REDIC1: variants seen among roughly 807,000 people sequenced by gnomAD.
REDIC1 encodes regulator of DNA class I crossover intermediates 1, also known as HEI10 Interacting Protein 1.
the REDIC1 span, among the ~76,000 whole-genome samples, chr12:39,749,944 G>C: frequency 2.0e-5 from 3 of 152,062 alleles, no homozygotes; most frequent in African/African-American, 7.2e-5. Flanking sequence ...ATTTATGACA[G>C]ACCCACAGCC....
the REDIC1 span, among the ~76,000 whole-genome samples, chr12:39,809,523 T>A: frequency 6.6e-6 from 1 of 152,284 alleles, no homozygotes; most frequent in South Asian, 2.1e-4. Flanking sequence ...ATTATTATTA[T>A]ACTTTAAGTT....
At chr12:39,751,821 A>G in the REDIC1 span, among the ~76,000 whole-genome samples, 9 of 152,252 alleles carry the variant, frequency 5.9e-5, no homozygotes, top group Admixed American at 2.0e-4. Flanking sequence ...CAAACACCGC[A>G]TGTTCTCACT....
At chr12:39,630,944 A>G in the REDIC1 span, among the ~76,000 whole-genome samples, 1 of 152,140 alleles carries the variant, frequency 6.6e-6, no homozygotes, top group African/African-American at 2.4e-5. Flanking sequence ...CCAGTTTAGC[A>G]TTTGTCTCAG....
At chr12:39,869,088 G>A in the REDIC1 span, among the ~76,000 whole-genome samples, 3 of 152,072 alleles carry the variant, frequency 2.0e-5, no homozygotes, top group African/African-American at 7.2e-5. Flanking sequence ...ACATAGAACC[G>A]TATGTTAGTA....
At chr12:39,647,028 G>T in the REDIC1 span, 1 of 541,166 alleles carries the variant, frequency 1.8e-6, no homozygotes, top group South Asian at 2.8e-5. Context: ...TTCCAGGTGA[G>T]AAATCTATGC....
chr12:39,749,826 A>T, the REDIC1 span, among the ~76,000 whole-genome samples: 1 of 152,264 alleles, frequency 6.6e-6, no homozygotes, highest in Admixed American at 6.5e-5. Context: ...CCACATGATT[A>T]TCTCAATAGA....
the REDIC1 span, among the ~76,000 whole-genome samples, chr12:39,865,145 G>C: frequency 6.6e-6 from 1 of 152,150 alleles, no homozygotes; most frequent in East Asian, 1.9e-4. Context: ...ACAGTAAATT[G>C]GTAATGATTT....
chr12:39,797,696 A>T, the REDIC1 span, among the ~76,000 whole-genome samples: 2 of 151,446 alleles, frequency 1.3e-5, no homozygotes, highest in Non-Finnish European at 2.9e-5. Context: ...ATGAAAAGCT[A>T]ATGGATACAT....
chr12:39,887,663 G>A, the REDIC1 span, among the ~76,000 whole-genome samples: 12 of 152,114 alleles, frequency 7.9e-5, no homozygotes, highest in African/African-American at 2.7e-4. Flanking sequence ...CATCGCTTAG[G>A]TTAGTTATTC....
chr12:39,720,238 A>T, the REDIC1 span, among the ~76,000 whole-genome samples: 1 of 151,872 alleles, frequency 6.6e-6, no homozygotes, highest in African/African-American at 2.4e-5. Flanking sequence ...TTAATTTCCT[A>T]TTACCTGATG....
chr12:39,891,746 A>T, the REDIC1 span, among the ~76,000 whole-genome samples: 1 of 152,192 alleles, frequency 6.6e-6, no homozygotes, highest in Admixed American at 6.5e-5. Flanking sequence ...ATAGGCTCAG[A>T]TCAGGGCTCA....
chr12:39,644,802 A>G, the REDIC1 span, among the ~76,000 whole-genome samples: 1 of 151,942 alleles, frequency 6.6e-6, no homozygotes, highest in African/African-American at 2.4e-5. Context: ...TTATGGCTAA[A>G]CCCTCAATAA....
the REDIC1 span, among the ~76,000 whole-genome samples, chr12:39,812,576 G>A: frequency 2.0e-5 from 3 of 151,700 alleles, no homozygotes; most frequent in East Asian, 2.0e-4. Flanking sequence ...AGATTCAAGC[G>A]ATTCTCCTGC....
At chr12:39,812,716 C>A in the REDIC1 span, among the ~76,000 whole-genome samples, 1 of 152,112 alleles carries the variant, frequency 6.6e-6, no homozygotes, top group Middle Eastern at 3.4e-3. Context: ...AAGTGATCCA[C>A]CTGCCTCAGC....
the REDIC1 span, among the ~76,000 whole-genome samples, chr12:39,712,022 A>G: frequency 4.5e-5 from 1 of 22,214 alleles, no homozygotes; most frequent in East Asian, 8.7e-4. Flanking sequence ...ACCTGTATGT[A>G]TATATACATG....
At chr12:39,630,610 A>G in the REDIC1 span, among the ~76,000 whole-genome samples, 26 of 152,334 alleles carry the variant, frequency 1.7e-4, no homozygotes, top group Admixed American at 1.4e-3. Context: ...GAAAATATTT[A>G]ATGTCAGAGG....
At chr12:39,771,550 C>A in the REDIC1 span, among the ~76,000 whole-genome samples, 1 of 152,106 alleles carries the variant, frequency 6.6e-6, no homozygotes, top group Non-Finnish European at 1.5e-5. Flanking sequence ...TAGAGGAAAC[C>A]ATAGCTCCAG....
chr12:39,885,801 A>G, the REDIC1 span, among the ~76,000 whole-genome samples: 9 of 152,138 alleles, frequency 5.9e-5, no homozygotes, highest in South Asian at 2.1e-4. Flanking sequence ...ATCGTTCCCA[A>G]TGCAAAATTC....
At chr12:39,829,389 A>ATTATT in the REDIC1 span, 2 of 65,774 alleles carry the variant, frequency 3.0e-5, no homozygotes, top group African/African-American at 6.7e-5. Context: ...TGTGATAGTA[A>ATTATT]TTCTTTTTTT....
Sources: gnomAD v4.1 joint callset for allele counts (sites outside exome capture counted in the v4.1 genomes callset) on GRCh38, gnomAD v4.1.1 for gene constraint, MANE v1.5 for transcripts, NCBI Gene and HGNC (gene_info 2026-07-23, HGNC 2026-07-21) for gene names.